FUNDC1: variants seen among roughly 807,000 people sequenced by gnomAD.
FUNDC1 encodes the protein FUN14 domain-containing protein 1.
A neutral mutation model predicts 14.5 loss-of-function variants in FUNDC1; 10 were observed. That is an observed-to-expected ratio of 0.69 (90% CI 0.43 to 1.17). The LOEUF is 1.17. Ranked by LOEUF, FUNDC1 falls within the 50% of genes most tolerant of loss-of-function variation. The pLI is 0.00. For synonymous variants in FUNDC1, 33 were observed against 39.7 expected (o/e 0.83, Z 0.64); for missense variants, 115 against 113.8 (o/e 1.01, Z -0.05).
At chrX:44,535,514 A>G (rs974347909) in intron 3 of FUNDC1, among the ~76,000 whole-genome samples, 2 of 107,134 alleles carry the variant, frequency 1.9e-5, no homozygotes, top group Non-Finnish European at 3.8e-5. Context: ...AAAAAAATAC[A>G]AAAAAGTTAG....
chrX:44,531,530 C>T (rs2038925536), intron 3 of FUNDC1, among the ~76,000 whole-genome samples: 2 of 109,589 alleles, frequency 1.8e-5, no homozygotes, highest in Admixed American at 9.9e-5. Flanking sequence ...TTTTCTTGGA[C>T]TGGTCAGATT....
At position 44,524,135 on chromosome X, in the gene FUNDC1, C is replaced by T; in HGVS notation, c.*63G>A. ...CTCTGGCAGTATGACTTTTGAGAGA[C>T]TGCCTTATTGCTGCCACTTCTCTTC... On this transcript the variant is annotated 3_prime_UTR_variant, in exon 5 of 5. Transcript: ENST00000378045. 1 of 780,156 alleles carries T rather than the reference C, an allele frequency of 1.3e-6. No homozygotes were observed. The highest frequency in any genetic ancestry group is 2.0e-6 in the Non-Finnish European group (1 of 507,786). The allele number at this position is 780,156 out of a possible 1,213,427, so 64.3% of individuals were successfully genotyped here. A position where few individuals can be genotyped will look rare whatever the true frequency, so the allele number is the denominator to read the frequency against.
At chrX:44,526,121 CAAAAAAAAAAAA>C (rs1191132977) in intron 4 of FUNDC1, among the ~76,000 whole-genome samples, 1 of 5,505 alleles carries the variant, frequency 1.8e-4, no homozygotes, top group Non-Finnish European at 1.7e-3. Context: ...TCAAAAAAAA[CAAAAAAAAAAAA>C]CAAAAAAAAA....
chrX:44,542,363 A>C lies in FUNDC1; in HGVS notation c.29-262T>G, dbSNP rs774707816. The C allele has an allele frequency of 6.9e-5, 26 of 376,243 alleles. No individual in the cohort carries two copies. In the South Asian group the frequency reaches 1.1e-3, roughly 16 times the overall value. 31.0% of individuals were successfully genotyped at this position (376,243 alleles called of 1,213,427 possible). A position where few individuals can be genotyped will look rare whatever the true frequency, so the allele number is the denominator to read the frequency against. On this transcript the variant is annotated intron_variant, in intron 1 of 4. Coordinates refer to ENST00000378045, the MANE Select transcript of FUNDC1 (RefSeq NM_173794.4). ...GTCACGAAGCCAGGGCCAACTCAGA[A>C]TGACACAGTAGTGAGGGGTCACCCC... is the stretch of plus-strand genomic sequence containing the variant.
chrX:44,526,476 A>C (rs768205724), intron 4 of FUNDC1, among the ~76,000 whole-genome samples: 1 of 89,741 alleles, frequency 1.1e-5, no homozygotes, highest in East Asian at 3.9e-4. Context: ...CACACAGTAA[A>C]AAAATAAAAA....
At position 44,524,088 on chromosome X, in the gene FUNDC1, T is replaced by A. The variant is rs760427076; in HGVS notation, c.*110A>T. ...TGTGAATTGAGTATTGTCCAGCTAG[T>A]TGTTTCTCCTTGCCCTAGAGACTCT... On this transcript the variant is annotated 3_prime_UTR_variant, in exon 5 of 5. Transcript: ENST00000378045. 1.7e-4 allele frequency: 88 copies of A among 526,846 alleles called. No homozygotes were observed. Among genetic ancestry groups the A allele is most frequent in the Non-Finnish European group, 2.7e-4 (83 of 303,989 alleles). The allele number at this position is 526,846 out of a possible 1,213,427, so 43.4% of individuals were successfully genotyped here. A position where few individuals can be genotyped will look rare whatever the true frequency, so the allele number is the denominator to read the frequency against.
At chrX:44,529,542 A>C (rs1390158491) in intron 3 of FUNDC1, among the ~76,000 whole-genome samples, 1 of 111,580 alleles carries the variant, frequency 9.0e-6, no homozygotes, top group Non-Finnish European at 1.9e-5. Flanking sequence ...ATGGGCTGTG[A>C]ATCTCTATAT....
intron 3 of FUNDC1, among the ~76,000 whole-genome samples, chrX:44,528,991 G>A (rs966332951): frequency 8.9e-6 from 1 of 111,839 alleles, no homozygotes; most frequent in Non-Finnish European, 1.9e-5. Context: ...CACCGCGCCC[G>A]GCAGAACAAA....
chrX:44,542,298 C>T, intron 1 of FUNDC1, 197 bp from the exon 2 acceptor site: 1 of 411,612 alleles, frequency 2.4e-6, no homozygotes, highest in Non-Finnish European at 4.2e-6. Flanking sequence ...GCAACAATGA[C>T]CCCCATCTGC....
At chrX:44,534,929 T>C (rs1383431207) in intron 3 of FUNDC1, among the ~76,000 whole-genome samples, 2 of 111,036 alleles carry the variant, frequency 1.8e-5, no homozygotes, top group Non-Finnish European at 3.8e-5. Context: ...GGTGGAATGC[T>C]TGAGCCCAGG....
chrX:44,541,713 A>C (rs2038972601), intron 2 of FUNDC1, among the ~76,000 whole-genome samples: 1 of 111,398 alleles, frequency 9.0e-6, no homozygotes, highest in African/African-American at 3.3e-5. Context: ...AAGAATCAAA[A>C]GAAGGATGAG....
At position 44,542,110 on chromosome X, in the gene FUNDC1, T is replaced by A. The variant is rs1387730818; in HGVS notation, c.29-9A>T. The A allele has an allele frequency of 1.7e-6, 2 of 1,166,145 alleles. No homozygotes were observed. The highest frequency in any genetic ancestry group is 2.4e-5 in the Admixed American group (1 of 42,148). On this transcript the variant is annotated splice_polypyrimidine_tract_variant and intron_variant, in intron 1 of 4. Transcript: ENST00000378045. ...GTCATCACTTTCATAGTCTTCAAAA[T>A]AGCAAAATGCAAAAAATAAATGTAG...
At chrX:44,542,553 G>A (rs904305214) in intron 1 of FUNDC1, among the ~76,000 whole-genome samples, 1 of 110,341 alleles carries the variant, frequency 9.1e-6, no homozygotes, top group East Asian at 2.9e-4. Flanking sequence ...GAAGATGGGA[G>A]ATGAAGGGCC....
At chrX:44,528,170 T>C (rs1451652056) in intron 3 of FUNDC1, among the ~76,000 whole-genome samples, 3 of 112,207 alleles carry the variant, frequency 2.7e-5, no homozygotes, top group Non-Finnish European at 5.6e-5. Context: ...GCTTTCTTTG[T>C]AATTTTTTAG....
intron 2 of FUNDC1, among the ~76,000 whole-genome samples, chrX:44,540,373 A>G (rs1020432545): frequency 3.6e-5 from 4 of 111,140 alleles, no homozygotes; most frequent in Non-Finnish European, 7.5e-5. Context: ...TGTATTATAC[A>G]GCTCCTGGAC....
At position 44,523,921 on chromosome X, in the gene FUNDC1, T is replaced by C. The variant is rs1332245351; in HGVS notation, c.*277A>G. 1.9e-5 allele frequency: 5 copies of C among 256,757 alleles called. No homozygotes were observed. The highest frequency in any genetic ancestry group is 3.4e-5 in the Non-Finnish European group (5 of 145,643). 21.2% of individuals were successfully genotyped at this position (256,757 alleles called of 1,213,427 possible). A position where few individuals can be genotyped will look rare whatever the true frequency, so the allele number is the denominator to read the frequency against. ...ATCTACATCCAATGGTGATATTTTA[T>C]AGGCTAGTTTCTAAACAGATGCAAA... On this transcript the variant is annotated 3_prime_UTR_variant, in exon 5 of 5. Transcript: ENST00000378045.
At chrX:44,533,809 A>G (rs2038936743) in intron 3 of FUNDC1, among the ~76,000 whole-genome samples, 1 of 109,723 alleles carries the variant, frequency 9.1e-6, no homozygotes, top group Non-Finnish European at 1.9e-5. Context: ...CACATTTGTA[A>G]TCCCAGCACT....
chrX:44,541,849 A>T (rs375652680), intron 2 of FUNDC1, 96 bp downstream of exon 2: 42 of 738,218 alleles, frequency 5.7e-5, no homozygotes, highest in East Asian at 3.1e-4. Context: ...AACAGTGTAG[A>T]CCTACTGCCT....
At position 44,532,476 on chromosome X, in the gene FUNDC1, G is replaced by A. The variant is rs183061953; in HGVS notation, c.262-5111C>T. On this transcript the variant is annotated intron_variant, in intron 3 of 4. Coordinates refer to ENST00000378045, the MANE Select transcript of FUNDC1 (RefSeq NM_173794.4). The stretch of plus-strand genomic sequence containing the variant: ...TGGTGGATCCTCTCATATGGGGATA[G>A]TAGGAATACTTTCTGGAAGGCTACT... 3.9e-3 allele frequency among the ~76,000 whole-genome samples: 419 copies of A among 107,768 alleles called. 3 individuals carry two copies. Among genetic ancestry groups the A allele is most frequent in the African/African-American group, 0.013 (376 of 29,574 alleles). 93.6% of individuals were successfully genotyped at this position (107,768 alleles called of 115,157 possible). A position where few individuals can be genotyped will look rare whatever the true frequency, so the allele number is the denominator to read the frequency against.
Sources: gnomAD v4.1 joint callset for allele counts (sites outside exome capture counted in the v4.1 genomes callset) on GRCh38, gnomAD v4.1.1 for gene constraint, MANE v1.5 for transcripts, NCBI Gene and HGNC (gene_info 2026-07-23, HGNC 2026-07-21) for gene names.